The following SLC9A4 variants were observed in gnomAD, a reference collection of about 807,000 sequenced individuals.
SLC9A4 encodes the protein sodium/hydrogen exchanger 4.
Under a neutral mutation model 67.4 loss-of-function variants are expected in SLC9A4, and 63 were observed. The observed-to-expected ratio is 0.93, with a 90% CI of 0.76 to 1.15. SLC9A4 has a LOEUF of 1.15. Among genes scored for constraint, SLC9A4 ranks in the 50% most tolerant of loss-of-function variants. The pLI is 0.00. For synonymous variants in SLC9A4, 393 were observed against 367.2 expected, an observed-to-expected ratio of 1.07 and a Z score of -0.80; for missense variants, 1,089 against 987.7, an observed-to-expected ratio of 1.10 and a Z score of -1.38.
intron 3 of SLC9A4, among the ~76,000 whole-genome samples, chr2:102,504,299 G>T (rs1404086593): frequency 1.3e-5 from 2 of 152,084 alleles, no homozygotes; most frequent in Admixed American, 6.6e-5. Flanking sequence ...TGATCTGCCC[G>T]CCTTGGCCTC....
intron 2 of SLC9A4, among the ~76,000 whole-genome samples, chr2:102,491,712 C>T (rs766754829): frequency 2.6e-5 from 4 of 152,108 alleles, no homozygotes; most frequent in Non-Finnish European, 5.9e-5. Flanking sequence ...CCGCTGTCCC[C>T]TCCCAAATCT....
chr2:102,531,857 A>T (rs1006855968), intron 11 of SLC9A4, among the ~76,000 whole-genome samples: 1 of 152,142 alleles, frequency 6.6e-6, no homozygotes, highest in African/African-American at 2.4e-5. Flanking sequence ...TCCAGGATTG[A>T]CTTTTTCTAT....
intron 2 of SLC9A4, among the ~76,000 whole-genome samples, chr2:102,501,909 G>C (rs1473278103): frequency 6.6e-6 from 1 of 151,888 alleles, no homozygotes; most frequent in Non-Finnish European, 1.5e-5. Context: ...CAGCATGAGG[G>C]GCCACAGCCA....
intron 11 of SLC9A4, 57 bp from the exon 12 acceptor site, chr2:102,532,273 T>C (rs1464737158): frequency 1.3e-6 from 2 of 1,537,716 alleles, no homozygotes; most frequent in South Asian, 1.2e-5. Flanking sequence ...GGATATTAAG[T>C]CTTAACTCTG....
intron 2 of SLC9A4, among the ~76,000 whole-genome samples, chr2:102,487,017 C>T (rs898038868): frequency 5.3e-5 from 8 of 152,218 alleles, no homozygotes; most frequent in African/African-American, 1.9e-4. Flanking sequence ...CTGTGAGGCT[C>T]TCCCCTGGGG....
chr2:102,530,737 T>C (rs1329326760), intron 11 of SLC9A4, among the ~76,000 whole-genome samples: 2 of 152,116 alleles, frequency 1.3e-5, no homozygotes, highest in Admixed American at 1.3e-4. Context: ...GGCCTTGTTG[T>C]AGAGAACATG....
At chr2:102,477,855 G>A (rs943258541) in intron 1 of SLC9A4, among the ~76,000 whole-genome samples, 1 of 152,150 alleles carries the variant, frequency 6.6e-6, no homozygotes. Context: ...GTGGTCTCCT[G>A]AGCTCTGAAC....
rs778260096 is a variant in SLC9A4, at chr2:102,511,783, AGT to A, written c.1489-415_1489-414del. On this transcript the variant is annotated intron_variant, in intron 6 of 11. Coordinates refer to ENST00000295269, the MANE Select transcript of SLC9A4 (RefSeq NM_001011552.4). ...TTCAGAAATTATATGATTGGATAAC[AGT>A]GTGTTCTTTTCTTCTGCAATGAAAT... is the stretch of plus-strand genomic sequence containing the variant. Among the ~76,000 whole-genome samples, 20 of 151,876 alleles carry A rather than the reference AGT, an allele frequency of 1.3e-4. No homozygotes were observed. The East Asian group carries it at 3.3e-3, about 25-fold the overall frequency.
In SLC9A4 at chr2:102,505,318, A is replaced by G; in HGVS notation, c.1045A>G (p.Thr349Ala). 1 of 1,614,222 alleles carries G rather than the reference A, an allele frequency of 6.2e-7. No homozygotes were observed. The highest frequency in any genetic ancestry group is 1.6e-4 in the Middle Eastern group (1 of 6,062). Reference sequence around the variant, plus strand: ...AGAAAACGTGTCCCAGACATCATACACGACCATCAAGTACTTCATGAAGAT... The same window carrying G: ...AGAAAACGTGTCCCAGACATCATACGCGACCATCAAGTACTTCATGAAGAT... The part of the protein sequence containing the change: ...VEENVSQTSY[T>A]TIKYFMKMLS... Residue 349 changes from threonine (T) to alanine (A), a missense_variant, in exon 4 of 12, where the codon ACG becomes GCG. By Grantham distance (58) the Thr-to-Ala change is moderately conservative. Transcript: ENST00000295269.
chr2:102,498,824 A>T (rs911528959), intron 2 of SLC9A4, among the ~76,000 whole-genome samples: 5 of 152,206 alleles, frequency 3.3e-5, no homozygotes, highest in Non-Finnish European at 7.3e-5. Context: ...ATAGACCAGG[A>T]TTTTAGCAGT....
At chr2:102,499,754 T>C (rs1684884615) in intron 2 of SLC9A4, among the ~76,000 whole-genome samples, 1 of 152,210 alleles carries the variant, frequency 6.6e-6, no homozygotes, top group Non-Finnish European at 1.5e-5. Flanking sequence ...CATTCCCTTA[T>C]CTAAACATGC....
At chr2:102,474,955 G>T (rs1684296268) in intron 1 of SLC9A4, among the ~76,000 whole-genome samples, 1 of 152,140 alleles carries the variant, frequency 6.6e-6, no homozygotes, top group African/African-American at 2.4e-5. Flanking sequence ...TGAGCCTTGA[G>T]GTCTGGCAGT....
chr2:102,479,435 T>G, intron 2 of SLC9A4, 133 bp downstream of exon 2: 1 of 935,280 alleles, frequency 1.1e-6, no homozygotes, highest in Non-Finnish European at 1.6e-6. Flanking sequence ...GCCCATGCGG[T>G]GTGGTCCGAG....
chr2:102,475,408 C>T (rs1207134208), intron 1 of SLC9A4, among the ~76,000 whole-genome samples: 2 of 152,178 alleles, frequency 1.3e-5, no homozygotes, highest in Non-Finnish European at 2.9e-5. Flanking sequence ...CCAGGAAACT[C>T]GTCCTGTCAC....
chr2:102,485,194 C>A (rs1684561239), intron 2 of SLC9A4, among the ~76,000 whole-genome samples: 2 of 152,144 alleles, frequency 1.3e-5, no homozygotes, highest in African/African-American at 2.4e-5. Flanking sequence ...GCCTAAGTTT[C>A]TTCACTGTTA....
chr2:102,481,814 T>C (rs1302078659), intron 2 of SLC9A4, among the ~76,000 whole-genome samples: 2 of 152,338 alleles, frequency 1.3e-5, no homozygotes, highest in African/African-American at 4.8e-5. Flanking sequence ...CCAGAGATTG[T>C]GTCTAACCAA....
chr2:102,481,793 A>C (rs1014444684), intron 2 of SLC9A4, among the ~76,000 whole-genome samples: 11 of 152,118 alleles, frequency 7.2e-5, no homozygotes, highest in Non-Finnish European at 1.2e-4. Context: ...CCTGGGTTTC[A>C]TATTTTGCTT....
At chr2:102,521,541 C>T (rs1440871053) in intron 9 of SLC9A4, among the ~76,000 whole-genome samples, 3 of 152,134 alleles carry the variant, frequency 2.0e-5, no homozygotes, top group Non-Finnish European at 2.9e-5. Flanking sequence ...TTGCTTACTC[C>T]GTAAGTCAAA....
chr2:102,473,889 G>T lies in SLC9A4; in HGVS notation c.130G>T (p.Ala44Ser), dbSNP rs770379616. ...ANSTAQYASN[A>S]WFAAASSEPE... The stretch of plus-strand genomic sequence containing the variant: ...TTCCACTGCTCAGTATGCATCTAAC[G>T]CTTGGTTTGCTGCTGCCAGCTCAGA... The change falls in exon 1 of 12, where the codon GCT (alanine) becomes TCT (serine). Residue 44 changes from alanine to serine, a missense_variant. Ala to Ser is a moderately conservative substitution (Grantham distance 99). Coordinates refer to ENST00000295269, the MANE Select transcript of SLC9A4 (RefSeq NM_001011552.4). The T allele has an allele frequency of 1.2e-6, 2 of 1,613,932 alleles. No homozygotes were observed. The highest frequency in any genetic ancestry group is 1.7e-6 in the Non-Finnish European group (2 of 1,179,956).
Sources: allele counts gnomAD v4.1 joint callset (sites outside exome capture counted in the v4.1 genomes callset), GRCh38; gene constraint gnomAD v4.1.1; transcripts MANE v1.5; gene names NCBI Gene and HGNC (gene_info 2026-07-23, HGNC 2026-07-21).